The following PSD3 variants were observed in gnomAD, a reference collection of about 807,000 sequenced individuals.
The protein encoded by PSD3 is PH and SEC7 domain-containing protein 3.
A neutral mutation model predicts 105.5 loss-of-function variants in PSD3; 49 were observed. That is an observed-to-expected ratio of 0.46 (90% confidence interval 0.37 to 0.59). PSD3 has a LOEUF of 0.59. Among genes scored for constraint, PSD3 ranks in the 20% least tolerant of loss-of-function variants. PSD3 has a pLI of 0.00. For synonymous variants in PSD3, 557 were observed against 457.8 expected, an observed-to-expected ratio of 1.22 and a Z score of -2.77; for missense variants, 1,561 against 1,263.8, an observed-to-expected ratio of 1.24 and a Z score of -3.57.
At chr8:18,647,589 T>C (rs1041607872) in intron 10 of PSD3, among the ~76,000 whole-genome samples, 1 of 149,806 alleles carries the variant, frequency 6.7e-6, no homozygotes, top group African/African-American at 2.5e-5. Context: ...AATCCAGAAG[T>C]TCATTATTTA....
chr8:18,684,774 T>A (rs1049184977), intron 9 of PSD3, among the ~76,000 whole-genome samples: 1 of 152,176 alleles, frequency 6.6e-6, no homozygotes, highest in African/African-American at 2.4e-5. Context: ...ACTTTCAATA[T>A]GGCACAGAGT....
Position 19,002,746 on chromosome 8 carries a change from T to C in PSD3, c.21+10817A>G, listed in dbSNP as rs185448835. On this transcript the variant is annotated intron_variant, in intron 1 of 15. Transcript: ENST00000327040. Reference sequence around the variant, plus strand: ...ATGACAAGAAACAGATGTCCATACATGTTCAGACACAACATTCTTCCACAT... The same window carrying C: ...ATGACAAGAAACAGATGTCCATACACGTTCAGACACAACATTCTTCCACAT... Among the ~76,000 whole-genome samples the C allele has an allele frequency of 1.5e-3, 232 of 152,194 alleles. 2 individuals are homozygous for C. The highest frequency in any genetic ancestry group is 5.4e-3 in the African/African-American group (225 of 41,570).
At chr8:19,019,387 A>C (rs1384789839) in intron 1 of PSD3, among the ~76,000 whole-genome samples, 2 of 152,188 alleles carry the variant, frequency 1.3e-5, no homozygotes, top group Non-Finnish European at 2.9e-5. Context: ...CAAGCAATCC[A>C]AGAGTCTTAA....
At chr8:18,932,395 C>A (rs1821808818) in intron 2 of PSD3, among the ~76,000 whole-genome samples, 1 of 152,226 alleles carries the variant, frequency 6.6e-6, no homozygotes, top group South Asian at 2.1e-4. Context: ...AAAACACACA[C>A]AAACTCTAAA....
chr8:18,660,273 C>A (rs1563151329), intron 9 of PSD3, among the ~76,000 whole-genome samples: 1 of 151,978 alleles, frequency 6.6e-6, no homozygotes, highest in Admixed American at 6.6e-5. Flanking sequence ...TCAAAGAATG[C>A]TGGCGACCAC....
At chr8:19,068,157 G>C (rs759350401) in intron 1 of PSD3, among the ~76,000 whole-genome samples, 2 of 152,000 alleles carry the variant, frequency 1.3e-5, no homozygotes, top group Non-Finnish European at 2.9e-5. Context: ...GAGTCCCCAG[G>C]ACACATGAGA....
At chr8:18,620,699 G>C (rs568273107) in intron 11 of PSD3, among the ~76,000 whole-genome samples, 45 of 152,248 alleles carry the variant, frequency 3.0e-4, no homozygotes, top group African/African-American at 9.9e-4. Context: ...GAGTGAGCAA[G>C]GACCTGTCTC....
intron 9 of PSD3, among the ~76,000 whole-genome samples, chr8:18,670,140 C>A (rs968644040): frequency 6.6e-6 from 1 of 152,082 alleles, no homozygotes; most frequent in Non-Finnish European, 1.5e-5. Flanking sequence ...CAGAGAAGGC[C>A]TCTGGGCAAG....
intron 13 of PSD3, 123 bp from the exon 14 acceptor site, chr8:18,572,795 T>G (rs1029976920): frequency 4.4e-6 from 5 of 1,126,028 alleles, no homozygotes; most frequent in Non-Finnish European, 6.3e-6. Flanking sequence ...CTGGTACAAC[T>G]AATCCCTGAC....
intron 1 of PSD3, among the ~76,000 whole-genome samples, chr8:18,951,629 G>A (rs1823240388): frequency 1.3e-5 from 2 of 152,120 alleles, no homozygotes; most frequent in Non-Finnish European, 1.5e-5. Context: ...TCAAATTTGT[G>A]CAATTAGTGA....
intron 3 of PSD3, among the ~76,000 whole-genome samples, chr8:18,870,713 T>C (rs1034372924): frequency 6.6e-6 from 1 of 151,028 alleles, no homozygotes; most frequent in Non-Finnish European, 1.5e-5. Flanking sequence ...AATCAAAATA[T>C]ATGCTACTTG....
At chr8:18,626,142 A>C (rs1252553540) in intron 11 of PSD3, among the ~76,000 whole-genome samples, 1 of 152,094 alleles carries the variant, frequency 6.6e-6, no homozygotes, top group Non-Finnish European at 1.5e-5. Flanking sequence ...TGTCTCCTGG[A>C]GGCAGAATTT....
In PSD3 at chr8:18,792,076, C is replaced by T. The variant is rs529200791; in HGVS notation, c.2082+7219G>A. Among the ~76,000 whole-genome samples the T allele has an allele frequency of 1.2e-4, 18 of 152,012 alleles. 1 individual carries two copies. The South Asian group carries it at 3.5e-3, about 30-fold the overall frequency. On this transcript the variant is annotated intron_variant, in intron 8 of 15. Transcript: ENST00000327040. ...AAAGTCAAAAAACAACAGATGATGG[C>T]GAGGTTGTGAAGAAAAAGGAATGCT...
At chr8:18,835,235 A>C (rs548515151) in intron 4 of PSD3, among the ~76,000 whole-genome samples, 1 of 152,334 alleles carries the variant, frequency 6.6e-6, no homozygotes, top group East Asian at 1.9e-4. Context: ...AAACATACCC[A>C]AAAATTACTT....
intron 6 of PSD3, among the ~76,000 whole-genome samples, chr8:18,802,582 A>G (rs1237595763): frequency 6.6e-6 from 1 of 152,202 alleles, no homozygotes; most frequent in South Asian, 2.1e-4. Flanking sequence ...TCCACTGATA[A>G]CTGTTTTTGT....
At chr8:18,721,712 A>G (rs1051263609) in intron 9 of PSD3, among the ~76,000 whole-genome samples, 2 of 152,208 alleles carry the variant, frequency 1.3e-5, no homozygotes, top group Non-Finnish European at 2.9e-5. Flanking sequence ...ACACAGGGCA[A>G]GAGGGAGGCA....
intron 10 of PSD3, among the ~76,000 whole-genome samples, chr8:18,640,895 C>T (rs1807596077): frequency 6.6e-6 from 1 of 152,182 alleles, no homozygotes; most frequent in Non-Finnish European, 1.5e-5. Context: ...TTTTGCCTTA[C>T]TATGTGGCAA....
intron 12 of PSD3, among the ~76,000 whole-genome samples, chr8:18,583,216 A>T (rs2130429117): frequency 6.6e-6 from 1 of 152,232 alleles, no homozygotes; most frequent in Admixed American, 6.5e-5. Context: ...AGGCAGGAGG[A>T]TCGCTTAAGT....
At chr8:18,729,297 A>T (rs772178552) in intron 9 of PSD3, among the ~76,000 whole-genome samples, 1 of 152,222 alleles carries the variant, frequency 6.6e-6, no homozygotes, top group Non-Finnish European at 1.5e-5. Flanking sequence ...GAGCTAAGGA[A>T]ACAGCTCTAA....
Sources: gnomAD v4.1 joint callset for allele counts (sites outside exome capture counted in the v4.1 genomes callset) on GRCh38, gnomAD v4.1.1 for gene constraint, MANE v1.5 for transcripts, NCBI Gene and HGNC (gene_info 2026-07-23, HGNC 2026-07-21) for gene names.